Variants in CSGALNACT1 observed in about 807,000 individuals in gnomAD.
CSGALNACT1 encodes chondroitin sulfate N-acetylgalactosaminyltransferase 1.
In CSGALNACT1, 52 loss-of-function variants were observed where a neutral mutation model predicts 51.0. The observed-to-expected ratio is 1.02, with a 90% CI of 0.82 to 1.29. The LOEUF (loss-of-function observed/expected upper bound fraction) is 1.29, where lower values mean the gene tolerates loss of function less well. CSGALNACT1 is among the 50% of genes most tolerant of loss of function. The pLI is 0.00. For synonymous variants in CSGALNACT1, 341 were observed against 254.4 expected (o/e 1.34, Z -3.24); for missense variants, 935 against 679.2 (o/e 1.38, Z -4.19).
intron 1 of CSGALNACT1, among the ~76,000 whole-genome samples, chr8:19,619,671 A>G (rs556127429): frequency 1.3e-5 from 2 of 152,234 alleles, no homozygotes; most frequent in Non-Finnish European, 2.9e-5. Context: ...CCAAAATTTA[A>G]CTTTCTTCTT....
intron 1 of CSGALNACT1, among the ~76,000 whole-genome samples, chr8:19,669,774 T>G (rs943966205): frequency 6.6e-6 from 1 of 152,222 alleles, no homozygotes; most frequent in Non-Finnish European, 1.5e-5. Context: ...TGTGCCCAGC[T>G]GTAAACCATG....
intron 3 of CSGALNACT1, among the ~76,000 whole-genome samples, chr8:19,575,562 A>G (rs534913956): frequency 1.3e-5 from 2 of 152,248 alleles, no homozygotes; most frequent in African/African-American, 4.8e-5. Flanking sequence ...AAACATCAGA[A>G]AAGCAAGTGT....
chr8:19,744,516 A>G (rs965464806), intron 1 of CSGALNACT1, among the ~76,000 whole-genome samples: 3 of 152,176 alleles, frequency 2.0e-5, no homozygotes, highest in African/African-American at 7.2e-5. Flanking sequence ...AACACGTAAC[A>G]TGTTGGAAGC....
chr8:19,438,006 G>T (rs2060660771), intron 6 of CSGALNACT1, among the ~76,000 whole-genome samples: 1 of 152,196 alleles, frequency 6.6e-6, no homozygotes, highest in Non-Finnish European at 1.5e-5. Flanking sequence ...TCACTACAAG[G>T]GGTCTAAACT....
chr8:19,694,785 G>A (rs935417690), intron 1 of CSGALNACT1, among the ~76,000 whole-genome samples: 5 of 152,150 alleles, frequency 3.3e-5, no homozygotes, highest in Admixed American at 6.5e-5. Context: ...CTACCTGAAG[G>A]TAAAGCACAT....
At chr8:19,694,321 A>C (rs1282323026) in intron 1 of CSGALNACT1, among the ~76,000 whole-genome samples, 1 of 152,212 alleles carries the variant, frequency 6.6e-6, no homozygotes, top group Non-Finnish European at 1.5e-5. Flanking sequence ...GTATAATGAC[A>C]GTCCTCCCTG....
At chr8:19,478,185 C>T (rs112924802) in intron 4 of CSGALNACT1, among the ~76,000 whole-genome samples, 123 of 151,738 alleles carry the variant, frequency 8.1e-4, no homozygotes, top group African/African-American at 2.8e-3. Flanking sequence ...GAGGCCAAGG[C>T]GGGTGGATCA....
intron 6 of CSGALNACT1, among the ~76,000 whole-genome samples, chr8:19,429,089 C>A (rs909194575): frequency 1.3e-5 from 2 of 152,154 alleles, no homozygotes; most frequent in East Asian, 3.9e-4. Context: ...CAGCCCCTGG[C>A]AACTCTTAAT....
chr8:19,753,598 T>C (rs575712733), intron 1 of CSGALNACT1, among the ~76,000 whole-genome samples: 8 of 152,204 alleles, frequency 5.3e-5, no homozygotes, highest in Non-Finnish European at 1.2e-4. Flanking sequence ...TTTTGATATA[T>C]TGAGTGCTTC....
At chr8:19,544,072 T>A (rs2085902101) in intron 3 of CSGALNACT1, among the ~76,000 whole-genome samples, 1 of 148,604 alleles carries the variant, frequency 6.7e-6, no homozygotes, top group Non-Finnish European at 1.5e-5. Context: ...TGTGGGGACA[T>A]AACTTTTTTT....
At chr8:19,748,384 T>A (rs1482971004) in intron 1 of CSGALNACT1, among the ~76,000 whole-genome samples, 2 of 152,182 alleles carry the variant, frequency 1.3e-5, no homozygotes, top group Non-Finnish European at 2.9e-5. Context: ...AAGATATATT[T>A]GATTATAATA....
At chr8:19,663,104 C>A (rs2154191933) in intron 1 of CSGALNACT1, among the ~76,000 whole-genome samples, 1 of 152,310 alleles carries the variant, frequency 6.6e-6, no homozygotes, top group South Asian at 2.1e-4. Flanking sequence ...ACTGCCTCCA[C>A]AATGCCCCAG....
At chr8:19,568,213 G>T (rs983636168) in intron 3 of CSGALNACT1, among the ~76,000 whole-genome samples, 1 of 152,162 alleles carries the variant, frequency 6.6e-6, no homozygotes, top group Non-Finnish European at 1.5e-5. Flanking sequence ...AAACCTAGAT[G>T]GTAGAGCCTA....
Position 19,565,046 on chromosome 8 carries a change from A to G in CSGALNACT1, c.-297+26114T>C, listed in dbSNP as rs1716509546. Among the ~76,000 whole-genome samples, 3 of 152,226 alleles carry G rather than the reference A, an allele frequency of 2.0e-5. No homozygotes were observed. The South Asian group carries it at 6.2e-4, about 32-fold the overall frequency. ...AATCCACTGCATTTCAGGGACTGAAAGTGCCCACTATATTACAAATTTGGC... is the reference window on the plus strand; with the variant it reads ...AATCCACTGCATTTCAGGGACTGAAGGTGCCCACTATATTACAAATTTGGC... On this transcript the variant is annotated intron_variant, in intron 3 of 9. Coordinates refer to ENST00000454498, the Ensembl canonical transcript of CSGALNACT1.
At chr8:19,422,579 T>C (rs1443438453) in intron 6 of CSGALNACT1, among the ~76,000 whole-genome samples, 1 of 152,246 alleles carries the variant, frequency 6.6e-6, no homozygotes. Flanking sequence ...TTGAGTCTTT[T>C]CTCTGGGGGG....
At chr8:19,739,124 T>C (rs2064157375) in intron 1 of CSGALNACT1, among the ~76,000 whole-genome samples, 1 of 151,904 alleles carries the variant, frequency 6.6e-6, no homozygotes, top group Non-Finnish European at 1.5e-5. Flanking sequence ...CAAGTTGAAA[T>C]ATATATGATA....
intron 1 of CSGALNACT1, among the ~76,000 whole-genome samples, chr8:19,713,832 A>G (rs557689911): frequency 5.3e-5 from 8 of 152,322 alleles, no homozygotes; most frequent in African/African-American, 1.9e-4. Flanking sequence ...TTTTGCTACT[A>G]TGAAGTTTGT....
At chr8:19,423,506 G>C (rs911708273) in intron 6 of CSGALNACT1, among the ~76,000 whole-genome samples, 2 of 152,164 alleles carry the variant, frequency 1.3e-5, no homozygotes, top group Admixed American at 6.5e-5. Context: ...ACCCTGGCTT[G>C]AGCTGTTGCT....
chr8:19,471,156 G>A (rs999367023), intron 4 of CSGALNACT1, among the ~76,000 whole-genome samples: 6 of 151,970 alleles, frequency 3.9e-5, no homozygotes, highest in African/African-American at 9.7e-5. Context: ...AAAAGGTGAA[G>A]TATGATCTTG....
Sources: gnomAD v4.1 joint callset for allele counts (sites outside exome capture counted in the v4.1 genomes callset) on GRCh38, gnomAD v4.1.1 for gene constraint, MANE v1.5 for transcripts, NCBI Gene and HGNC (gene_info 2026-07-23, HGNC 2026-07-21) for gene names.